Variants in DAB1 observed in about 807,000 individuals in gnomAD.
DAB1 encodes the protein DAB adaptor protein 1.
DAB1 carries 15 observed loss-of-function variants against 64.6 expected under a neutral mutation model. The ratio of observed to expected loss-of-function variants is 0.23; its 90% CI spans 0.16 to 0.36. The LOEUF (loss-of-function observed/expected upper bound fraction) is 0.36, where lower values mean the gene tolerates loss of function less well. Among genes scored for constraint, DAB1 ranks in the 10% least tolerant of loss-of-function variants. The pLI is 1.00. For missense variants in DAB1, 596 were observed against 706.7 expected (o/e 0.84, Z 1.78); for synonymous variants, 235 against 251.9 (o/e 0.93, Z 0.64).
At chr1:57,512,970 C>A (rs900207237) in intron 7 of DAB1, among the ~76,000 whole-genome samples, 1 of 152,150 alleles carries the variant, frequency 6.6e-6, no homozygotes, top group African/African-American at 2.4e-5. Context: ...CAGGGCTGTG[C>A]CTCTCACTTC....
At chr1:57,541,984 G>T (rs527611858) in intron 7 of DAB1, among the ~76,000 whole-genome samples, 49 of 152,250 alleles carry the variant, frequency 3.2e-4, no homozygotes, top group African/African-American at 1.1e-3. Context: ...ATCCTAGGGT[G>T]GGGGAGGGTG....
intron 1 of DAB1, chr1:57,387,505 T>C (rs1681973069): frequency 1.3e-5 from 2 of 152,108 alleles, no homozygotes; most frequent in African/African-American, 4.8e-5. Context: ...CACGCTCCTC[T>C]TCTAATCATC....
chr1:57,839,828 A>G (rs2101914011), intron 1 of DAB1, among the ~76,000 whole-genome samples: 1 of 152,308 alleles, frequency 6.6e-6, no homozygotes, highest in Middle Eastern at 3.4e-3. Context: ...GCATTTTACC[A>G]GGCAAGAGAC....
rs1026780331 is a variant in DAB1 at position 57,746,502 on chromosome 1, T to C, written n.552-96837A>G. ...TTATCTGCACTTAAGATTTCCCTTA[T>C]GTGAATTGCCTGTACATTTCCTTTA... On this transcript the variant is annotated intron_variant and non_coding_transcript_variant, in intron 6 of 20. Transcript: ENST00000485760. 5.9e-5 allele frequency among the ~76,000 whole-genome samples: 9 copies of C among 152,296 alleles called. No individual in the cohort carries two copies. In the South Asian group the frequency reaches 1.0e-3, roughly 18 times the overall value.
At chr1:57,422,821 C>T (rs1685027764) in intron 1 of DAB1, among the ~76,000 whole-genome samples, 1 of 152,166 alleles carries the variant, frequency 6.6e-6, no homozygotes, top group Non-Finnish European at 1.5e-5. Flanking sequence ...TCCCTTGTGC[C>T]CACTGCCCCC....
At chr1:57,381,864 G>A (rs1274516851) in intron 1 of DAB1, among the ~76,000 whole-genome samples, 1 of 152,154 alleles carries the variant, frequency 6.6e-6, no homozygotes, top group East Asian at 1.9e-4. Flanking sequence ...CGAGCTCACT[G>A]CTTTCCCAGA....
At chr1:57,886,487 T>C (rs143169188), upstream of DAB1, among the ~76,000 whole-genome samples, 1 of 152,332 alleles carries the variant, frequency 6.6e-6, no homozygotes, top group Non-Finnish European at 1.5e-5. Context: ...TTTATCATCA[T>C]ACCACCAGCA....
intron 6 of DAB1, among the ~76,000 whole-genome samples, chr1:57,809,217 T>A (rs1651505631): frequency 6.6e-6 from 1 of 152,208 alleles, no homozygotes; most frequent in Admixed American, 6.5e-5. Flanking sequence ...ATCAACAGGA[T>A]GACTAACTGT....
chr1:57,897,579 C>T (rs1307112228), intron 5 of DAB1, among the ~76,000 whole-genome samples: 1 of 152,098 alleles, frequency 6.6e-6, no homozygotes, highest in Non-Finnish European at 1.5e-5. Flanking sequence ...CTGGCCAGCT[C>T]GTGCCTTTTC....
intron 4 of DAB1, among the ~76,000 whole-genome samples, chr1:57,125,470 A>G (rs985298901): frequency 6.6e-6 from 1 of 152,202 alleles, no homozygotes; most frequent in Non-Finnish European, 1.5e-5. Context: ...TTTATATCTT[A>G]TACATAGTAG....
rs553203124 is a variant in DAB1, at chr1:57,326,462, A to C, written c.-136-35296T>G. Among the ~76,000 whole-genome samples the C allele has an allele frequency of 1.2e-3, 188 of 152,284 alleles. 1 individual carries two copies. The highest frequency in any genetic ancestry group is 4.4e-3 in the African/African-American group (182 of 41,562). On this transcript the variant is annotated intron_variant, in intron 1 of 14. Coordinates refer to ENST00000371236, the MANE Select transcript of DAB1 (RefSeq NM_001365792.1). Reference sequence around the variant, plus strand: ...AAAGAGGGTATTAAACACCCTCTCCACTGCAGGATTTCTCAGAGCCTTTAA... The same window carrying C: ...AAAGAGGGTATTAAACACCCTCTCCCCTGCAGGATTTCTCAGAGCCTTTAA...
At chr1:58,064,524 G>A (rs186418681) in intron 5 of DAB1, among the ~76,000 whole-genome samples, 66 of 152,208 alleles carry the variant, frequency 4.3e-4, no homozygotes, top group Non-Finnish European at 7.4e-4. Context: ...CCTAGAGGAC[G>A]AAGGAGGAAG....
chr1:58,241,691 T>C, intron 4 of DAB1, among the ~76,000 whole-genome samples: 1 of 151,992 alleles, frequency 6.6e-6, no homozygotes, highest in East Asian at 1.9e-4. Flanking sequence ...TAAAAGCAAA[T>C]TCAAATCTTT....
intron 4 of DAB1, among the ~76,000 whole-genome samples, chr1:58,300,849 TG>T (rs1173579802): frequency 2.0e-5 from 3 of 152,040 alleles, no homozygotes; most frequent in Non-Finnish European, 2.9e-5. Flanking sequence ...AGGGCAGGAA[TG>T]GGCTTAAATC....
intron 3 of DAB1, among the ~76,000 whole-genome samples, chr1:58,420,340 A>G (rs888872069): frequency 1.3e-5 from 2 of 152,228 alleles, no homozygotes; most frequent in East Asian, 1.9e-4. Flanking sequence ...ATTTGGCTAT[A>G]TAACACCAAA....
intron 6 of DAB1, among the ~76,000 whole-genome samples, chr1:57,710,650 G>C (rs113211033): frequency 6.8e-6 from 1 of 146,890 alleles, no homozygotes; most frequent in Non-Finnish European, 1.5e-5. Context: ...TGTTTTTTTT[G>C]GGGGGGGGAG....
chr1:58,539,915 C>A (rs1389156809), intron 1 of DAB1, among the ~76,000 whole-genome samples: 2 of 152,120 alleles, frequency 1.3e-5, no homozygotes, highest in East Asian at 3.8e-4. Flanking sequence ...GGACAGAGGA[C>A]AAGAGAAGAC....
chr1:57,792,380 C>A (rs1427738669), intron 6 of DAB1, among the ~76,000 whole-genome samples: 1 of 152,236 alleles, frequency 6.6e-6, no homozygotes, highest in Non-Finnish European at 1.5e-5. Flanking sequence ...GCATACGCCT[C>A]ATTTTTGAGG....
chr1:57,928,682 C>A (rs1312097130), intron 5 of DAB1, among the ~76,000 whole-genome samples: 1 of 152,126 alleles, frequency 6.6e-6, no homozygotes, highest in Non-Finnish European at 1.5e-5. Flanking sequence ...TTCCACAATG[C>A]CATATAGTTG....
Sources: gnomAD v4.1 joint callset for allele counts (sites outside exome capture counted in the v4.1 genomes callset) on GRCh38, gnomAD v4.1.1 for gene constraint, MANE v1.5 for transcripts, NCBI Gene and HGNC (gene_info 2026-07-23, HGNC 2026-07-21) for gene names.